SEMA6B: variants seen among roughly 807,000 people sequenced by gnomAD.
SEMA6B encodes semaphorin 6B.
A neutral mutation model predicts 78.6 loss-of-function variants in SEMA6B; 47 were observed. The ratio of observed to expected loss-of-function variants is 0.60; its 90% CI spans 0.47 to 0.76. The LOEUF (loss-of-function observed/expected upper bound fraction) is 0.76. Among genes scored for constraint, SEMA6B ranks in the 30% least tolerant of loss-of-function variants. The probability of loss-of-function intolerance (pLI) is 0.00; values close to 1 mark genes in which losing one functional copy is unlikely to be tolerated. For missense variants in SEMA6B, 1,213 were observed against 1,269.9 expected (o/e 0.96, Z 0.68); for synonymous variants, 632 against 592.2 (o/e 1.07, Z -0.98).
At position 4,544,258 on chromosome 19, in the gene SEMA6B, G is replaced by T. The variant is rs1316978985; in HGVS notation, c.2010C>A (p.Gly670=). The change falls in exon 17 of 17, where the codon GGC becomes GGA. Residue 670 remains glycine, a synonymous_variant. Transcript: ENST00000586582. The surrounding 1 kb of genome is among the most constrained non-coding windows in gnomAD (Gnocchi z 5.1). ...QGPGGRGGGG[G]GGAGVPPEAL... Reference sequence around the variant, plus strand: ...CCTCCGGGGGAACCCCGGCGCCACCGCCACCGCCTCCGCCCCGGCCCCCGG... The same window carrying T: ...CCTCCGGGGGAACCCCGGCGCCACCTCCACCGCCTCCGCCCCGGCCCCCGG... The T allele has an allele frequency of 8.6e-6, 11 of 1,282,938 alleles. No individual in the cohort carries two copies. The Admixed American group carries it at 2.1e-4, about 25-fold the overall frequency. The allele number at this position is 1,282,938 out of a possible 1,614,324, so 79.5% of individuals were successfully genotyped here.
chr19:4,550,992 C>A lies in SEMA6B; in HGVS notation c.990-62G>T, dbSNP rs987990317. The A allele has an allele frequency of 8.2e-6, 13 of 1,583,346 alleles. No individual in the cohort carries two copies. The highest frequency in any genetic ancestry group is 3.4e-5 in the Admixed American group (2 of 58,982). ...TGGGAGGCCCCATCTCGGACAAGTG[C>A]GTGCAGGAGCCTCTGTCTGCAGGAG... On this transcript the variant is annotated intron_variant, in intron 10 of 16. Transcript: ENST00000586582. The surrounding 1 kb of genome is among the most constrained non-coding windows in gnomAD (Gnocchi z 6.6).
chr19:4,550,639 C>T lies in SEMA6B; in HGVS notation c.1121+160G>A, dbSNP rs1977304254. On this transcript the variant is annotated intron_variant, in intron 11 of 16. Coordinates refer to ENST00000586582, the MANE Select transcript of SEMA6B (RefSeq NM_032108.4). This position sits in a 1 kb window ranked among gnomAD's most constrained non-coding sequence, Gnocchi z 6.6. Reference sequence around the variant, plus strand: ...TCCGCCTCCCAAAGGGCTAGGATTACAGGCGTGAGCCACCACACCAGGCCT... The same window carrying T: ...TCCGCCTCCCAAAGGGCTAGGATTATAGGCGTGAGCCACCACACCAGGCCT... 6.6e-6 allele frequency among the ~76,000 whole-genome samples: 1 copy of T among 152,178 alleles called. No homozygotes were observed. The highest frequency in any genetic ancestry group is 2.4e-5 in the African/African-American group (1 of 41,450).
chr19:4,555,974 G>A lies in SEMA6B; in HGVS notation c.471+14C>T, dbSNP rs377171552. On this transcript the variant is annotated intron_variant, in intron 6 of 16. Transcript: ENST00000586582. This position sits in a 1 kb window ranked among gnomAD's most constrained non-coding sequence, Gnocchi z 6.1. ...GGAGGTTGGACCTGGGGCGCAGGGAGTCTGAAGACTCACGCTGTAGTTGGC... is the reference window on the plus strand; with the variant it reads ...GGAGGTTGGACCTGGGGCGCAGGGAATCTGAAGACTCACGCTGTAGTTGGC... The A allele has an allele frequency of 4.3e-4, 697 of 1,606,376 alleles. 4 individuals carry two copies. In the South Asian group the frequency reaches 7.2e-3, roughly 17 times the overall value.
In SEMA6B at chr19:4,558,276, A is replaced by T. The variant is rs1977526376; in HGVS notation, c.121+61T>A. 5.4e-6 allele frequency: 7 copies of T among 1,308,234 alleles called. No individual in the cohort carries two copies. The highest frequency in any genetic ancestry group is 6.9e-6 in the Non-Finnish European group (7 of 1,018,440). The allele number at this position is 1,308,234 out of a possible 1,614,324, so 81.0% of individuals were successfully genotyped here. On this transcript the variant is annotated intron_variant, in intron 2 of 16. Transcript: ENST00000586582. The surrounding 1 kb of genome is among the most constrained non-coding windows in gnomAD (Gnocchi z 5.1). Reference sequence around the variant, plus strand: ...TCCCCCAGTGGGGGCAGCAGACCCAACTGGGAACCCAGATACTCCCACGGG... The same window carrying T: ...TCCCCCAGTGGGGGCAGCAGACCCATCTGGGAACCCAGATACTCCCACGGG...
chr19:4,557,375 C>A, intron 3 of SEMA6B, 152 bp from the exon 4 acceptor site: 1 of 618,568 alleles, frequency 1.6e-6, no homozygotes. Flanking sequence ...CACACCCCCC[C>A]AAGGGCCCCA....
rs935989146 is a variant in SEMA6B at position 4,543,362 on chromosome 19, A to G, written c.*239T>C. Reference sequence around the variant, plus strand: ...CGCGCATAAGGTCAACCTCAAATCCATAGCAAAGTCCTCCCGCCCACCCAC... The same window carrying G: ...CGCGCATAAGGTCAACCTCAAATCCGTAGCAAAGTCCTCCCGCCCACCCAC... On this transcript the variant is annotated 3_prime_UTR_variant, in exon 17 of 17. Coordinates refer to ENST00000586582, the MANE Select transcript of SEMA6B (RefSeq NM_032108.4). 4 of 418,750 alleles carry G rather than the reference A, an allele frequency of 9.6e-6. No individual in the cohort carries two copies. The Admixed American group carries it at 1.7e-4, about 17-fold the overall frequency. The allele number at this position is 418,750 out of a possible 1,614,324, so 25.9% of individuals were successfully genotyped here. A position where few individuals can be genotyped will look rare whatever the true frequency, so the allele number is the denominator to read the frequency against.
chr19:4,543,465 C>A lies in SEMA6B; in HGVS notation c.*136G>T, dbSNP rs1027807671. 1 of 129,692 alleles carries A rather than the reference C, an allele frequency of 7.7e-6. No individual in the cohort carries two copies. The highest frequency in any genetic ancestry group is 2.2e-4 in the East Asian group (1 of 4,474). The allele number at this position is 129,692 out of a possible 1,614,324, so 8.0% of individuals were successfully genotyped here. A position where few individuals can be genotyped will look rare whatever the true frequency, so the allele number is the denominator to read the frequency against. ...TTGTGCTTCCTTGTGGCGGAGGGGG[C>A]CCCCCACTCCGCGGGTGGGTCGCGG... On this transcript the variant is annotated 3_prime_UTR_variant, in exon 17 of 17. Coordinates refer to ENST00000586582, the MANE Select transcript of SEMA6B (RefSeq NM_032108.4).
chr19:4,554,188 G>A (rs139248174), intron 9 of SEMA6B, among the ~76,000 whole-genome samples, 200 bp downstream of exon 9: 285 of 152,204 alleles, frequency 1.9e-3, no homozygotes, highest in Non-Finnish European at 2.7e-3. Context: ...CAAGTCCCTC[G>A]TCAGGGCTGA....
Position 4,552,727 on chromosome 19 carries a change from T to C in SEMA6B, c.772-88A>G. 1.6e-6 allele frequency: 2 copies of C among 1,279,880 alleles called. No individual in the cohort carries two copies. Among genetic ancestry groups the C allele is most frequent in the South Asian group, 2.9e-5 (2 of 69,112 alleles). 79.3% of individuals were successfully genotyped at this position (1,279,880 alleles called of 1,614,324 possible). On this transcript the variant is annotated intron_variant, in intron 9 of 16. Coordinates refer to ENST00000586582, the MANE Select transcript of SEMA6B (RefSeq NM_032108.4). This position sits in a 1 kb window ranked among gnomAD's most constrained non-coding sequence, Gnocchi z 7.4. Reference sequence around the variant, plus strand: ...GCTGTGCCACTCACCACCCAAACTGTGATGGAGGAGTCTGACCCTGGCTCT... The same window carrying C: ...GCTGTGCCACTCACCACCCAAACTGCGATGGAGGAGTCTGACCCTGGCTCT...
chr19:4,554,953 C>G (rs1035148158), intron 8 of SEMA6B, 23 bp downstream of exon 8: 6 of 1,610,844 alleles, frequency 3.7e-6, no homozygotes, highest in African/African-American at 1.3e-5. Flanking sequence ...CAGGTCTGGG[C>G]CCACTGCCCT....
Position 4,550,965 on chromosome 19 carries a change from G to T in SEMA6B, c.990-35C>A. 2 of 1,610,910 alleles carry T rather than the reference G, an allele frequency of 1.2e-6. No individual in the cohort carries two copies. Among genetic ancestry groups the T allele is most frequent in the South Asian group, 1.1e-5 (1 of 90,934 alleles). ...TGGGATGAAAGAGTTTGGTGAGCCC[G>T]GTGGGAGGCCCCATCTCGGACAAGT... On this transcript the variant is annotated intron_variant, in intron 10 of 16. Transcript: ENST00000586582. The surrounding 1 kb of genome is among the most constrained non-coding windows in gnomAD (Gnocchi z 6.6).
In SEMA6B at chr19:4,556,006, C is replaced by T. The variant is rs1362316877; in HGVS notation, c.453G>A (p.Pro151=). 7 of 1,613,880 alleles carry T rather than the reference C, an allele frequency of 4.3e-6. No individual in the cohort carries two copies. In the African/African-American group the frequency reaches 6.7e-5, roughly 15 times the overall value. ...LFVCGSNAFN[P]VCANYSIDTL... ...GACTCACGCTGTAGTTGGCGCACAC[C>T]GGGTTGAAGGCGTTGGAACCGCACA... Residue 151 remains proline, a synonymous_variant, in exon 6 of 17, where the codon CCG becomes CCA. Coordinates refer to ENST00000586582, the MANE Select transcript of SEMA6B (RefSeq NM_032108.4).
chr19:4,544,429 C>T lies in SEMA6B; in HGVS notation c.1839G>A (p.Val613=), dbSNP rs1327965229. 3 of 1,602,642 alleles carry T rather than the reference C, an allele frequency of 1.9e-6. No homozygotes were observed. The highest frequency in any genetic ancestry group is 2.6e-6 in the Non-Finnish European group (3 of 1,175,532). ...CGAACCAGCCCACGCTGAAGCCGGACACCACGGCTCCCACCACGAAGGCCG... is the reference window on the plus strand; with the variant it reads ...CGAACCAGCCCACGCTGAAGCCGGATACCACGGCTCCCACCACGAAGGCCG... ...SVAAFVVGAV[V]SGFSVGWFVG... The change falls in exon 17 of 17, where the codon GTG becomes GTA. Residue 613 remains valine, a synonymous_variant. Transcript: ENST00000586582. The surrounding 1 kb of genome is among the most constrained non-coding windows in gnomAD (Gnocchi z 5.1).
In SEMA6B at chr19:4,542,905, G is replaced by C. The variant is rs770246647; in HGVS notation, c.*696C>G. On this transcript the variant is annotated 3_prime_UTR_variant, in exon 17 of 17. Coordinates refer to ENST00000586582, the MANE Select transcript of SEMA6B (RefSeq NM_032108.4). ...TTGTCCCCGCTTCCCTCTGCAGAGTGGGGGGGGTTCAAACTCCTAACCGGC... is the reference window on the plus strand; with the variant it reads ...TTGTCCCCGCTTCCCTCTGCAGAGTCGGGGGGGTTCAAACTCCTAACCGGC... 8 of 684,406 alleles carry C rather than the reference G, an allele frequency of 1.2e-5. No homozygotes were observed. The highest frequency in any genetic ancestry group is 4.1e-5 in the Admixed American group (2 of 49,164). The allele number at this position is 684,406 out of a possible 1,614,324, so 42.4% of individuals were successfully genotyped here.
At chr19:4,553,731 G>GTA in intron 9 of SEMA6B, among the ~76,000 whole-genome samples, 1 of 105,722 alleles carries the variant, frequency 9.5e-6, no homozygotes, top group African/African-American at 4.5e-5. Context: ...TGGATGGATG[G>GTA]GTGGGTGGGT....
rs777541301 is a variant in SEMA6B at position 4,543,979 on chromosome 19, G to A, written c.2289C>T (p.Pro763=). ...CGTCGGGGGTCGGCTCCCCAGGCGC[G>A]GGGGGCTGCTCGGGGGCCCGGGCGG... ...LAPARAPEQP[P]APGEPTPDGR... Residue 763 remains proline, a synonymous_variant, in exon 17 of 17, where the codon CCC becomes CCT. Transcript: ENST00000586582. The A allele has an allele frequency of 1.2e-4, 144 of 1,204,198 alleles. 3 individuals carry two copies. In the African/African-American group the frequency reaches 1.9e-3, roughly 16 times the overall value. 74.6% of individuals were successfully genotyped at this position (1,204,198 alleles called of 1,614,324 possible).
chr19:4,543,899 G>A lies in SEMA6B; in HGVS notation c.2369C>T (p.Thr790Ile). ...GRASHGDFPL[T>I]PHASPDRRRV... ...CCGGCGGTCCGGGCTGGCGTGGGGG[G>A]TGAGCGGGAAGTCGCCGTGGGAGGC... Residue 790 changes from threonine to isoleucine, a missense_variant, in exon 17 of 17, where the codon ACC (threonine) becomes ATC (isoleucine). By Grantham distance (89) the Thr-to-Ile change is moderately conservative. Coordinates refer to ENST00000586582, the MANE Select transcript of SEMA6B (RefSeq NM_032108.4). 8.3e-7 allele frequency: 1 copy of A among 1,204,294 alleles called. No homozygotes were observed. The highest frequency in any genetic ancestry group is 1.0e-6 in the Non-Finnish European group (1 of 970,576). 74.6% of individuals were successfully genotyped at this position (1,204,294 alleles called of 1,614,324 possible). A position where few individuals can be genotyped will look rare whatever the true frequency, so the allele number is the denominator to read the frequency against.
In SEMA6B at chr19:4,550,970, G is replaced by C. The variant is rs1286993764; in HGVS notation, c.990-40C>G. ...TGAAAGAGTTTGGTGAGCCCGGTGG[G>C]AGGCCCCATCTCGGACAAGTGCGTG... On this transcript the variant is annotated intron_variant, in intron 10 of 16. Transcript: ENST00000586582. This position sits in a 1 kb window ranked among gnomAD's most constrained non-coding sequence, Gnocchi z 6.6. 6.2e-7 allele frequency: 1 copy of C among 1,610,628 alleles called. No homozygotes were observed. The highest frequency in any genetic ancestry group is 1.7e-5 in the Admixed American group (1 of 59,814).
chr19:4,546,823 C>A (rs991944924), intron 14 of SEMA6B, among the ~76,000 whole-genome samples: 1 of 152,026 alleles, frequency 6.6e-6, no homozygotes, highest in Admixed American at 6.6e-5. Flanking sequence ...CAGGGTTTCA[C>A]CAGGTTGGTC....
Sources: gnomAD v4.1 joint callset for allele counts (sites outside exome capture counted in the v4.1 genomes callset) on GRCh38, gnomAD v4.1.1 for gene constraint, Gnocchi (gnomAD v3.1) non-coding constraint, MANE v1.5 for transcripts, NCBI Gene and HGNC (gene_info 2026-07-23, HGNC 2026-07-21) for gene names.